Variants in DCC observed in about 807,000 individuals in gnomAD.
DCC encodes the protein netrin receptor DCC.
A neutral mutation model predicts 172.5 loss-of-function variants in DCC; 58 were observed. The observed-to-expected ratio is 0.34, with a 90% CI of 0.27 to 0.42. The LOEUF (loss-of-function observed/expected upper bound fraction) is 0.42, where lower values mean the gene tolerates loss of function less well. Ranked by LOEUF, DCC falls within the 10% of genes least tolerant of loss-of-function variation. The probability of loss-of-function intolerance (pLI) is 1.00; values close to 1 mark genes in which losing one functional copy is unlikely to be tolerated. For missense variants in DCC, 1,740 were observed against 1,791.0 expected, an observed-to-expected ratio of 0.97 and a Z score of 0.51; for synonymous variants, 709 against 644.5, an observed-to-expected ratio of 1.10 and a Z score of -1.52.
intron 1 of DCC, among the ~76,000 whole-genome samples, chr18:52,457,911 GCAAACAAA>G (rs66650533): frequency 2.5e-3 from 376 of 151,212 alleles, no homozygotes; most frequent in Non-Finnish European, 4.4e-3. Flanking sequence ...AAGCAAGCAA[GCAAACAAA>G]CAAACAAACA....
At chr18:53,505,582 C>CATATATGAAACTGAAGTTA (rs1490996890) in intron 27 of DCC, among the ~76,000 whole-genome samples, 1 of 152,052 alleles carries the variant, frequency 6.6e-6, no homozygotes, top group East Asian at 1.9e-4. Flanking sequence ...ATTGTTAGAC[C>CATATATGAAACTGAAGTTA]ATATATGAAA....
chr18:52,427,183 A>G (rs1987456536), intron 1 of DCC, among the ~76,000 whole-genome samples: 2 of 152,130 alleles, frequency 1.3e-5, no homozygotes, highest in African/African-American at 2.4e-5. Flanking sequence ...GCTCATTGTC[A>G]TGAAGATAAA....
chr18:53,282,661 C>T (rs1043075181), intron 12 of DCC, among the ~76,000 whole-genome samples: 1 of 152,066 alleles, frequency 6.6e-6, no homozygotes, highest in South Asian at 2.1e-4. Flanking sequence ...CATACCCTTC[C>T]TATTATCTCT....
At chr18:53,106,775 G>A (rs1368011197) in intron 7 of DCC, among the ~76,000 whole-genome samples, 1 of 151,820 alleles carries the variant, frequency 6.6e-6, no homozygotes, top group Non-Finnish European at 1.5e-5. Context: ...GTTTCCAAAA[G>A]CATGAGAAAG....
chr18:53,015,885 AG>A (rs1344953471), intron 5 of DCC, among the ~76,000 whole-genome samples: 3 of 152,118 alleles, frequency 2.0e-5, no homozygotes, highest in Non-Finnish European at 2.9e-5. Context: ...ATTTTTCAAA[AG>A]CTTGTGCATT....
At chr18:52,418,251 A>G (rs894759987) in intron 1 of DCC, among the ~76,000 whole-genome samples, 1 of 152,210 alleles carries the variant, frequency 6.6e-6, no homozygotes, top group Non-Finnish European at 1.5e-5. Flanking sequence ...AATAAATCCA[A>G]AAATACCCCT....
At chr18:53,201,904 AT>A (rs2144540232) in intron 9 of DCC, among the ~76,000 whole-genome samples, 1 of 152,344 alleles carries the variant, frequency 6.6e-6, no homozygotes, top group African/African-American at 2.4e-5. Context: ...GAAATAACAC[AT>A]CAAAGAGGAA....
intron 1 of DCC, among the ~76,000 whole-genome samples, chr18:52,575,387 T>C (rs2033384940): frequency 6.6e-6 from 1 of 152,176 alleles, no homozygotes; most frequent in South Asian, 2.1e-4. Flanking sequence ...GAAAGATAGA[T>C]GGTGTAGGAT....
chr18:52,389,845 A>G (rs55788178), intron 1 of DCC, among the ~76,000 whole-genome samples: 13,547 of 152,124 alleles, frequency 0.089, 743 homozygotes, highest in South Asian at 0.16. Context: ...CATACAGTGT[A>G]TATCTAATTG....
chr18:53,068,446 G>A (rs891845587), intron 7 of DCC, among the ~76,000 whole-genome samples: 4 of 122,450 alleles, frequency 3.3e-5, no homozygotes, highest in African/African-American at 6.5e-5. Context: ...CATATCATTA[G>A]TAACAAAAGT....
At chr18:52,521,137 G>C (rs1277321647) in intron 1 of DCC, among the ~76,000 whole-genome samples, 1 of 151,916 alleles carries the variant, frequency 6.6e-6, no homozygotes, top group Non-Finnish European at 1.5e-5. Context: ...TTCAGACTAT[G>C]ATGCTCAGGA....
At chr18:52,834,828 G>C (rs2038676418) in intron 2 of DCC, among the ~76,000 whole-genome samples, 1 of 151,504 alleles carries the variant, frequency 6.6e-6, no homozygotes, top group Non-Finnish European at 1.5e-5. Flanking sequence ...CTTCAGAAAG[G>C]CAAAAAAGGT....
chr18:52,917,458 A>C (rs2040059441), intron 3 of DCC, among the ~76,000 whole-genome samples: 1 of 152,234 alleles, frequency 6.6e-6, no homozygotes, highest in Non-Finnish European at 1.5e-5. Flanking sequence ...TTTCAAAAGC[A>C]CAAAAGTTCC....
intron 1 of DCC, among the ~76,000 whole-genome samples, chr18:52,722,281 C>T (rs1027350393): frequency 3.3e-5 from 5 of 152,050 alleles, no homozygotes; most frequent in Non-Finnish European, 4.4e-5. Flanking sequence ...TATATTGTTC[C>T]TTTTTAAACT....
chr18:53,050,995 T>C (rs1432952511), intron 5 of DCC, among the ~76,000 whole-genome samples: 1 of 152,160 alleles, frequency 6.6e-6, no homozygotes, highest in African/African-American at 2.4e-5. Context: ...TTTAGGAGGC[T>C]GAGGCAGGAG....
chr18:52,369,722 T>C (rs1441237177), intron 1 of DCC, among the ~76,000 whole-genome samples: 2 of 152,094 alleles, frequency 1.3e-5, no homozygotes, highest in Non-Finnish European at 2.9e-5. Flanking sequence ...TCAAAGGTGA[T>C]GTTACTTTAC....
intron 5 of DCC, among the ~76,000 whole-genome samples, chr18:52,943,087 A>T (rs1568201992): frequency 6.6e-6 from 1 of 151,690 alleles, no homozygotes; most frequent in African/African-American, 2.4e-5. Context: ...TACCATTTTG[A>T]TGTTTGTTTG....
At chr18:53,077,412 T>A (rs2042738627) in intron 7 of DCC, among the ~76,000 whole-genome samples, 1 of 152,048 alleles carries the variant, frequency 6.6e-6, no homozygotes, top group African/African-American at 2.4e-5. Context: ...GTCATAAGTG[T>A]GAGTTAAAGG....
intron 21 of DCC, among the ~76,000 whole-genome samples, chr18:53,419,027 G>T (rs1465062945): frequency 1.3e-5 from 2 of 152,090 alleles, no homozygotes; most frequent in African/African-American, 4.8e-5. Context: ...AAATAAGTTG[G>T]GAAGTAAAAG....
Sources: allele counts gnomAD v4.1 joint callset (sites outside exome capture counted in the v4.1 genomes callset), GRCh38; gene constraint gnomAD v4.1.1; transcripts MANE v1.5; gene names NCBI Gene and HGNC (gene_info 2026-07-23, HGNC 2026-07-21).